Variants in RIT2 observed in about 807,000 individuals in gnomAD.
RIT2 encodes the protein Ras like without CAAX 2.
A neutral mutation model predicts 23.7 loss-of-function variants in RIT2; 24 were observed. The ratio of observed to expected loss-of-function variants is 1.01; its 90% CI spans 0.73 to 1.43. RIT2 has a LOEUF of 1.43. RIT2 is among the 40% of genes most tolerant of loss of function. RIT2 has a pLI of 0.00. For synonymous variants in RIT2, 107 were observed against 91.1 expected, an observed-to-expected ratio of 1.17 and a Z score of -0.99; for missense variants, 236 against 266.9, an observed-to-expected ratio of 0.88 and a Z score of 0.81.
chr18:43,036,689 C>T (rs1911984556), intron 1 of RIT2, among the ~76,000 whole-genome samples: 1 of 151,998 alleles, frequency 6.6e-6, no homozygotes, highest in East Asian at 1.9e-4. Flanking sequence ...ATCTTCTGAC[C>T]CACCGCTGAG....
chr18:43,035,988 T>C (rs1911965246), intron 1 of RIT2, among the ~76,000 whole-genome samples: 1 of 152,184 alleles, frequency 6.6e-6, no homozygotes, highest in Non-Finnish European at 1.5e-5. Context: ...CATTTAAACC[T>C]TCCTCTATCA....
intron 2 of RIT2, among the ~76,000 whole-genome samples, chr18:42,995,680 T>A (rs1910965686): frequency 6.6e-6 from 1 of 152,206 alleles, no homozygotes; most frequent in East Asian, 1.9e-4. Context: ...TAAAAAGGAC[T>A]GGACAATACT....
At chr18:42,795,264 G>A (rs566058366) in intron 4 of RIT2, among the ~76,000 whole-genome samples, 5 of 152,352 alleles carry the variant, frequency 3.3e-5, no homozygotes, top group African/African-American at 1.2e-4. Flanking sequence ...GCGCGAGCAG[G>A]AACCGGGGCT....
intron 2 of RIT2, among the ~76,000 whole-genome samples, chr18:43,016,107 T>C (rs186115911): frequency 5.9e-5 from 9 of 151,942 alleles, no homozygotes; most frequent in Admixed American, 3.3e-4. Context: ...ATTAAAAAAG[T>C]GAGAATTTGT....
chr18:42,905,554 C>T (rs1195798744), intron 4 of RIT2, among the ~76,000 whole-genome samples: 1 of 152,158 alleles, frequency 6.6e-6, no homozygotes, highest in Non-Finnish European at 1.5e-5. Flanking sequence ...CTCACTGCAA[C>T]CTCTGCCTCG....
intron 4 of RIT2, among the ~76,000 whole-genome samples, chr18:42,799,102 A>T (rs540315654): frequency 2.0e-5 from 3 of 152,232 alleles, no homozygotes; most frequent in Non-Finnish European, 2.9e-5. Context: ...ATTCTGAAAA[A>T]TAAATAGGGC....
chr18:42,889,171 C>T (rs930229230), intron 4 of RIT2, among the ~76,000 whole-genome samples: 2 of 151,908 alleles, frequency 1.3e-5, no homozygotes, highest in African/African-American at 2.4e-5. Context: ...AATAAGTTAA[C>T]ATATACTGTT....
chr18:42,758,064 AGTC>A (rs1913206337), intron 4 of RIT2, among the ~76,000 whole-genome samples: 1 of 150,390 alleles, frequency 6.6e-6, no homozygotes, highest in Non-Finnish European at 1.5e-5. Context: ...CTATATTTTT[AGTC>A]TTCTTCTATA....
At chr18:42,983,913 T>A (rs925175092) in intron 2 of RIT2, among the ~76,000 whole-genome samples, 1 of 152,038 alleles carries the variant, frequency 6.6e-6, no homozygotes, top group African/African-American at 2.4e-5. Context: ...TGCTGATGGA[T>A]ACACAGAATG....
At chr18:42,814,216 T>C (rs781442780) in intron 4 of RIT2, among the ~76,000 whole-genome samples, 5 of 152,154 alleles carry the variant, frequency 3.3e-5, no homozygotes, top group Non-Finnish European at 7.4e-5. Context: ...AGAAGTCTCC[T>C]AGCCTGAACT....
At chr18:43,098,958 C>T (rs1311666703) in intron 1 of RIT2, among the ~76,000 whole-genome samples, 1 of 152,020 alleles carries the variant, frequency 6.6e-6, no homozygotes, top group East Asian at 1.9e-4. Context: ...AGGATGGCAA[C>T]ATCTGGCCTA....
chr18:42,867,228 T>C (rs999313451), intron 4 of RIT2, among the ~76,000 whole-genome samples: 1 of 152,142 alleles, frequency 6.6e-6, no homozygotes, highest in African/African-American at 2.4e-5. Flanking sequence ...GTAAAATTCA[T>C]ATGTCCTATG....
Position 43,067,511 on chromosome 18 carries a change from C to T in RIT2, c.104-33644G>A, listed in dbSNP as rs187262627. On this transcript the variant is annotated intron_variant, in intron 1 of 4. Coordinates refer to ENST00000326695, the MANE Select transcript of RIT2 (RefSeq NM_002930.4). ...AATACATGTAAGATATACATGGGTT[C>T]GGTGCAGAAAAGTGGAATAGCTCAA... Among the ~76,000 whole-genome samples, 58 of 152,112 alleles carry T rather than the reference C, an allele frequency of 3.8e-4. No individual in the cohort carries two copies. In the Middle Eastern group the frequency reaches 0.01, roughly 27 times the overall value.
intron 1 of RIT2, among the ~76,000 whole-genome samples, chr18:43,050,119 C>G (rs1912343932): frequency 1.3e-5 from 2 of 150,926 alleles, no homozygotes; most frequent in Admixed American, 1.3e-4. Context: ...CTTGAATTCC[C>G]TAAGTTAAGT....
intron 4 of RIT2, among the ~76,000 whole-genome samples, chr18:42,880,667 T>C (rs1907864603): frequency 2.0e-5 from 3 of 152,128 alleles, no homozygotes; most frequent in Non-Finnish European, 4.4e-5. Context: ...TATAACTTCA[T>C]CCTACTTTAA....
intron 2 of RIT2, among the ~76,000 whole-genome samples, chr18:42,982,309 T>C (rs541920502): frequency 3.3e-5 from 5 of 152,242 alleles, no homozygotes; most frequent in African/African-American, 1.2e-4. Context: ...TCCGCATTTG[T>C]TCTCTGCGGG....
intron 2 of RIT2, among the ~76,000 whole-genome samples, chr18:42,997,109 A>G (rs995208330): frequency 1.3e-5 from 2 of 152,114 alleles, no homozygotes; most frequent in African/African-American, 4.8e-5. Context: ...AAAGACAAGG[A>G]CACATAGCTA....
At chr18:42,933,401 C>T (rs1909375637) in intron 3 of RIT2, among the ~76,000 whole-genome samples, 1 of 152,020 alleles carries the variant, frequency 6.6e-6, no homozygotes, top group African/African-American at 2.4e-5. Flanking sequence ...ACATTTGTAA[C>T]CTTGTGAAAT....
At chr18:43,112,168 C>A (rs907987752) in intron 1 of RIT2, among the ~76,000 whole-genome samples, 2 of 152,094 alleles carry the variant, frequency 1.3e-5, no homozygotes, top group Non-Finnish European at 2.9e-5. Context: ...TTTCTTCTTA[C>A]TAGTGAGTGA....
Sources: allele counts gnomAD v4.1 joint callset (sites outside exome capture counted in the v4.1 genomes callset), GRCh38; gene constraint gnomAD v4.1.1; transcripts MANE v1.5; gene names NCBI Gene and HGNC (gene_info 2026-07-23, HGNC 2026-07-21).